UTRN: variants seen among roughly 807,000 people sequenced by gnomAD.
UTRN encodes the protein dystrophin-related protein 1.
Under a neutral mutation model 463.9 loss-of-function variants are expected in UTRN, and 283 were observed. The observed-to-expected ratio is 0.61, with a 90% confidence interval of 0.55 to 0.67. The LOEUF is 0.67. UTRN is among the 30% of genes least tolerant of loss of function. The pLI is 0.00. For missense variants in UTRN, 3,922 were observed against 4,084.3 expected (o/e 0.96, Z 1.08); for synonymous variants, 1,442 against 1,431.5 (o/e 1.01, Z -0.17).
At chr6:144,319,303 C>T (rs2114578112) in intron 2 of UTRN, among the ~76,000 whole-genome samples, 1 of 152,234 alleles carries the variant, frequency 6.6e-6, no homozygotes, top group East Asian at 1.9e-4. Context: ...GCATGTTAGA[C>T]TTTCTGTACT....
At chr6:144,642,250 G>A (rs1222669337) in intron 51 of UTRN, among the ~76,000 whole-genome samples, 1 of 152,032 alleles carries the variant, frequency 6.6e-6, no homozygotes, top group Non-Finnish European at 1.5e-5. Flanking sequence ...ATGTAGTGTG[G>A]GTCCACAGAG....
chr6:144,408,205 A>G (rs1783585765), intron 3 of UTRN, among the ~76,000 whole-genome samples: 2 of 152,236 alleles, frequency 1.3e-5, no homozygotes. Context: ...ACGTAAACAG[A>G]AAAGGGAAAA....
Position 144,650,915 on chromosome 6 carries a change from T to A in UTRN, c.7480-27491T>A, listed in dbSNP as rs537437880. The stretch of plus-strand genomic sequence containing the variant: ...CAGAGCAAGACTCTGTCTCAAATAA[T>A]AATAATAATAATAATAATTACTGGT... On this transcript the variant is annotated intron_variant, in intron 51 of 74. Transcript: ENST00000367545. Among the ~76,000 whole-genome samples the A allele has an allele frequency of 1.5e-3, 235 of 151,664 alleles. 4 individuals carry two copies. The highest frequency in any genetic ancestry group is 4.1e-3 in the African/African-American group (170 of 41,442).
At chr6:144,658,660 ACT>A (rs1435261103) in intron 51 of UTRN, among the ~76,000 whole-genome samples, 1 of 152,216 alleles carries the variant, frequency 6.6e-6, no homozygotes, top group African/African-American at 2.4e-5. Context: ...TTATGATGAA[ACT>A]CTGCCTACAA....
At chr6:144,562,450 C>T (rs1384082231) in intron 50 of UTRN, among the ~76,000 whole-genome samples, 2 of 152,046 alleles carry the variant, frequency 1.3e-5, no homozygotes, top group African/African-American at 2.4e-5. Flanking sequence ...TGAGAACATG[C>T]GGTGTTTGGT....
intron 2 of UTRN, among the ~76,000 whole-genome samples, chr6:144,306,091 C>G (rs1381615876): frequency 6.6e-6 from 1 of 152,210 alleles, no homozygotes; most frequent in Non-Finnish European, 1.5e-5. Flanking sequence ...CAAACCGTAG[C>G]TGTAATATCA....
chr6:144,633,709 A>G (rs978655771), intron 51 of UTRN, among the ~76,000 whole-genome samples: 2 of 152,166 alleles, frequency 1.3e-5, no homozygotes, highest in Non-Finnish European at 2.9e-5. Context: ...CACTACACTA[A>G]TATTCTATTT....
intron 2 of UTRN, among the ~76,000 whole-genome samples, chr6:144,318,599 G>T (rs1209192178): frequency 6.6e-6 from 1 of 152,208 alleles, no homozygotes; most frequent in Non-Finnish European, 1.5e-5. Flanking sequence ...GAGTAGCTGG[G>T]ATTATAGGCA....
chr6:144,413,796 C>A (rs1427536045), intron 3 of UTRN, among the ~76,000 whole-genome samples: 3 of 151,950 alleles, frequency 2.0e-5, no homozygotes, highest in African/African-American at 7.3e-5. Flanking sequence ...ATAAATTTAT[C>A]ATTATTTAAT....
intron 70 of UTRN, 62 bp downstream of exon 70, chr6:144,836,000 C>T (rs1781070915): frequency 1.3e-6 from 2 of 1,575,242 alleles, no homozygotes; most frequent in Admixed American, 1.8e-5. Flanking sequence ...TTCACTGTAG[C>T]CCCCATTTAT....
chr6:144,690,072 C>CTATTTTTTTTTT lies in UTRN; in HGVS notation c.7653-10014_7653-10013insATTTTTTTTTTT, dbSNP rs1428641511. 1.1e-4 allele frequency among the ~76,000 whole-genome samples: 4 copies of CTATTTTTTTTTT among 35,656 alleles called. 1 individual carries two copies. The highest frequency in any genetic ancestry group is 1.4e-3 in the South Asian group (1 of 698). 23.4% of individuals were successfully genotyped at this position (35,656 alleles called of 152,430 possible). On this transcript the variant is annotated intron_variant, in intron 52 of 74. Coordinates refer to ENST00000367545, the MANE Select transcript of UTRN (RefSeq NM_007124.3). ...GGGGCCATAGAGCTCCCAAAAGTTT[C>CTATTTTTTTTTT]TGTTTTTTTTTTTTTTTTTTTTTTG...
chr6:144,622,033 T>C (rs1328548174), intron 51 of UTRN, among the ~76,000 whole-genome samples: 7 of 152,130 alleles, frequency 4.6e-5, no homozygotes, highest in Non-Finnish European at 1.5e-5. Context: ...TTCATTGTAT[T>C]CGTGACATGT....
chr6:144,306,672 G>T (rs73585102), intron 2 of UTRN, among the ~76,000 whole-genome samples: 9,163 of 152,020 alleles, frequency 0.06, 903 homozygotes, highest in African/African-American at 0.21. Context: ...TATGAGACTG[G>T]CTTGGGCTGG....
At chr6:144,614,796 A>G (rs1009010997) in intron 51 of UTRN, among the ~76,000 whole-genome samples, 1 of 152,158 alleles carries the variant, frequency 6.6e-6, no homozygotes, top group African/African-American at 2.4e-5. Context: ...TATGGAGTCT[A>G]TGTAGGGTTA....
intron 59 of UTRN, among the ~76,000 whole-genome samples, chr6:144,774,031 C>G (rs1408171412): frequency 6.6e-6 from 1 of 152,172 alleles, no homozygotes; most frequent in African/African-American, 2.4e-5. Flanking sequence ...CTCAACCCAC[C>G]ATGTTCTGAG....
chr6:144,708,713 C>T (rs1279965685), intron 53 of UTRN, among the ~76,000 whole-genome samples: 1 of 152,182 alleles, frequency 6.6e-6, no homozygotes, highest in Non-Finnish European at 1.5e-5. Flanking sequence ...ACTTCTGTAA[C>T]CCCAACTTTT....
intron 54 of UTRN, among the ~76,000 whole-genome samples, chr6:144,732,239 C>CATATATATATATACACATAT (rs1788657428): frequency 8.6e-6 from 1 of 116,062 alleles, no homozygotes; most frequent in Non-Finnish European, 1.7e-5. Context: ...TATATATATA[C>CATATATATATATACACATAT]ATATATATAT....
In UTRN at chr6:144,457,326, G is replaced by A. The variant is rs190591455; in HGVS notation, c.2285-1444G>A. Among the ~76,000 whole-genome samples, 74 of 152,266 alleles carry A rather than the reference G, an allele frequency of 4.9e-4. 2 individuals are homozygous for A. The highest frequency in any genetic ancestry group is 3.3e-3 in the Admixed American group (51 of 15,288). On this transcript the variant is annotated intron_variant, in intron 19 of 74. Transcript: ENST00000367545. Reference sequence around the variant, plus strand: ...TTAACCGCCCTTGTTCTTGAAGTGAGCACCTCTTTCCAGTTTTCTAGATGA... The same window carrying A: ...TTAACCGCCCTTGTTCTTGAAGTGAACACCTCTTTCCAGTTTTCTAGATGA...
intron 2 of UTRN, among the ~76,000 whole-genome samples, chr6:144,295,629 C>A (rs1322558096): frequency 6.6e-6 from 1 of 152,176 alleles, no homozygotes; most frequent in African/African-American, 2.4e-5. Flanking sequence ...GTTGAGGGAA[C>A]CTTAAACGCC....
Sources: gnomAD v4.1 joint callset for allele counts (sites outside exome capture counted in the v4.1 genomes callset) on GRCh38, gnomAD v4.1.1 for gene constraint, MANE v1.5 for transcripts, NCBI Gene and HGNC (gene_info 2026-07-23, HGNC 2026-07-21) for gene names.